Variants in UPP2 observed in about 807,000 individuals in gnomAD.
UPP2 encodes uridine phosphorylase 2.
UPP2 carries 23 observed loss-of-function variants against 26.7 expected under a neutral mutation model. The observed-to-expected ratio is 0.86, with a 90% confidence interval of 0.62 to 1.22. The LOEUF is 1.22. Among genes scored for constraint, UPP2 ranks in the 50% most tolerant of loss-of-function variants. The pLI is 0.00. For synonymous variants in UPP2, 127 were observed against 141.3 expected, an observed-to-expected ratio of 0.90 and a Z score of 0.72; for missense variants, 387 against 396.7, an observed-to-expected ratio of 0.98 and a Z score of 0.21.
intron 3 of UPP2, among the ~76,000 whole-genome samples, chr2:158,050,342 T>C (rs1682131874): frequency 6.6e-6 from 1 of 151,742 alleles, no homozygotes; most frequent in South Asian, 2.1e-4. Flanking sequence ...AAGTGAAGAC[T>C]GAGAAGTAAA....
intron 3 of UPP2, among the ~76,000 whole-genome samples, chr2:158,034,027 TG>T (rs1455920475): frequency 6.6e-6 from 1 of 152,186 alleles, no homozygotes. Context: ...CAGCATCTCC[TG>T]GCTCTGGCAA....
At chr2:158,038,630 T>A (rs909954069) in intron 3 of UPP2, among the ~76,000 whole-genome samples, 1 of 152,216 alleles carries the variant, frequency 6.6e-6, no homozygotes. Flanking sequence ...AGAAAAGAGT[T>A]TGTGCTACTC....
At chr2:158,070,064 G>C (rs935310598) in intron 3 of UPP2, among the ~76,000 whole-genome samples, 1 of 151,986 alleles carries the variant, frequency 6.6e-6, no homozygotes, top group Admixed American at 6.5e-5. Flanking sequence ...CTTTTTCTTG[G>C]GTGTTCTAGC....
chr2:158,065,559 C>T, intron 3 of UPP2: 1 of 509,918 alleles, frequency 2.0e-6, no homozygotes. Flanking sequence ...CTCAAATGAA[C>T]TGTCCAGCTC....
At chr2:158,031,193 A>C (rs901559042) in intron 3 of UPP2, among the ~76,000 whole-genome samples, 8 of 152,234 alleles carry the variant, frequency 5.3e-5, no homozygotes, top group Admixed American at 2.0e-4. Context: ...ATTTCTTATC[A>C]GGCTTTCCTC....
In UPP2 at chr2:158,008,649, T is replaced by A. The variant is rs781380671; in HGVS notation, c.62-7152T>A. 9.3e-4 allele frequency among the ~76,000 whole-genome samples: 142 copies of A among 152,346 alleles called. 1 individual carries two copies. Among genetic ancestry groups the A allele is most frequent in the Non-Finnish European group, 1.7e-3 (117 of 68,014 alleles). ...TTATTTCCAGGCCAATCAATAGGCA[T>A]AACTCCAAGATTAAAAGCAATTTGG... On this transcript the variant is annotated intron_variant, in intron 2 of 9. Coordinates refer to the UPP2 transcript ENST00000605860.
intron 6 of UPP2, among the ~76,000 whole-genome samples, chr2:158,133,163 T>C (rs933402094): frequency 2.6e-5 from 4 of 152,182 alleles, no homozygotes; most frequent in African/African-American, 9.7e-5. Flanking sequence ...GTGGTATATA[T>C]ACACAATGAA....
chr2:158,002,837 T>C (rs1032827095), intron 2 of UPP2, among the ~76,000 whole-genome samples: 3 of 152,238 alleles, frequency 2.0e-5, no homozygotes, highest in Admixed American at 6.5e-5. Flanking sequence ...GCAACACCGT[T>C]GTGACATTAG....
intron 2 of UPP2, among the ~76,000 whole-genome samples, chr2:158,008,371 T>C (rs958341704): frequency 6.6e-6 from 1 of 152,208 alleles, no homozygotes; most frequent in African/African-American, 2.4e-5. Flanking sequence ...GATTATTTTG[T>C]GTTGCAGGAA....
In UPP2 at chr2:158,135,016, T is replaced by C. The variant is rs1683902756; in HGVS notation, c.*126T>C. The C allele has an allele frequency of 1.7e-6, 2 of 1,147,096 alleles. No individual in the cohort carries two copies. Among genetic ancestry groups the C allele is most frequent in the Non-Finnish European group, 2.3e-6 (2 of 866,416 alleles). 71.1% of individuals were successfully genotyped at this position (1,147,096 alleles called of 1,614,324 possible). ...CCACATGCTAAATGGAAAGACTTTA[T>C]GAAATCCTTCTCTCTTAAAAAGGAA... On this transcript the variant is annotated 3_prime_UTR_variant, in exon 7 of 7. Coordinates refer to ENST00000005756, the MANE Select transcript of UPP2 (RefSeq NM_173355.4).
At chr2:158,101,120 C>T (rs780822898), upstream of UPP2, among the ~76,000 whole-genome samples, 8 of 152,182 alleles carry the variant, frequency 5.3e-5, no homozygotes, top group East Asian at 3.8e-4. Flanking sequence ...CATGAGACTA[C>T]GTTCTTGAAG....
Position 158,125,583 on chromosome 2 carries a change from G to A in UPP2, c.811+1688G>A, listed in dbSNP as rs57567010. 8.8e-3 allele frequency among the ~76,000 whole-genome samples: 1,344 copies of A among 151,938 alleles called. 24 individuals carry two copies. Among genetic ancestry groups the A allele is most frequent in the African/African-American group, 0.031 (1,283 of 41,418 alleles). On this transcript the variant is annotated intron_variant, in intron 6 of 6. Transcript: ENST00000005756. ...ATTACAAGCTTGTGCCACCATGCCCGGCTAACTTTTGTATTTTCAGTAGAG... is the reference window on the plus strand; with the variant it reads ...ATTACAAGCTTGTGCCACCATGCCCAGCTAACTTTTGTATTTTCAGTAGAG...
intron 3 of UPP2, among the ~76,000 whole-genome samples, chr2:158,026,924 C>T (rs1336553110): frequency 1.3e-5 from 2 of 152,166 alleles, no homozygotes; most frequent in Non-Finnish European, 2.9e-5. Context: ...CCTGATAAAA[C>T]TATCAGATCT....
At chr2:158,091,342 A>G (rs1003798953) in intron 3 of UPP2, among the ~76,000 whole-genome samples, 1 of 152,244 alleles carries the variant, frequency 6.6e-6, no homozygotes, top group African/African-American at 2.4e-5. Context: ...TAGCACTTCA[A>G]GAACTTCAGA....
intron 3 of UPP2, among the ~76,000 whole-genome samples, chr2:158,073,885 C>A (rs1406428311): frequency 6.6e-6 from 1 of 152,144 alleles, no homozygotes; most frequent in Admixed American, 6.5e-5. Context: ...AAGAAGAAAT[C>A]CTTTGAGGGC....
chr2:158,006,696 C>CA (rs1558901350), intron 2 of UPP2, among the ~76,000 whole-genome samples: 1 of 152,096 alleles, frequency 6.6e-6, no homozygotes, highest in East Asian at 1.9e-4. Context: ...TTTTGGCAAA[C>CA]AAGCTAACAA....
chr2:158,037,306 C>T (rs994221318), intron 3 of UPP2, among the ~76,000 whole-genome samples: 19 of 151,816 alleles, frequency 1.3e-4, no homozygotes, highest in Non-Finnish European at 2.5e-4. Flanking sequence ...ACCTGGGAGG[C>T]GGAGGTTGCA....
intron 3 of UPP2, among the ~76,000 whole-genome samples, chr2:158,036,462 C>T (rs1459462256): frequency 6.6e-6 from 1 of 152,174 alleles, no homozygotes; most frequent in Non-Finnish European, 1.5e-5. Flanking sequence ...TCAGCATCAG[C>T]ATTCATCACC....
intron 3 of UPP2, among the ~76,000 whole-genome samples, chr2:158,061,843 C>G (rs1337287786): frequency 6.6e-6 from 1 of 152,250 alleles, no homozygotes; most frequent in African/African-American, 2.4e-5. Context: ...GTGCACAGAT[C>G]AGGTAATCTG....
Sources: gnomAD v4.1 joint callset for allele counts (sites outside exome capture counted in the v4.1 genomes callset) on GRCh38, gnomAD v4.1.1 for gene constraint, MANE v1.5 for transcripts, NCBI Gene and HGNC (gene_info 2026-07-23, HGNC 2026-07-21) for gene names.